TNNT3: variants seen among roughly 807,000 people sequenced by gnomAD.
TNNT3 encodes the protein troponin T3, fast skeletal type, also known as troponin T, fast skeletal muscle.
TNNT3 carries 36 observed loss-of-function variants against 54.2 expected under a neutral mutation model. The ratio of observed to expected loss-of-function variants is 0.66; its 90% confidence interval spans 0.51 to 0.88. TNNT3 has a LOEUF of 0.88. TNNT3 is among the 40% of genes least tolerant of loss of function. TNNT3 has a pLI of 0.00. For synonymous variants in TNNT3, 120 were observed against 109.7 expected (o/e 1.09, Z -0.59); for missense variants, 291 against 331.6 (o/e 0.88, Z 0.95).
rs1039692353 is a variant in TNNT3, at chr11:1,919,766, G to A, written c.-19+4G>A. On this transcript the variant is annotated splice_donor_region_variant and intron_variant, in intron 1 of 15. Transcript: ENST00000278317. ...CCTTCTCACACTCGACCCGCAGGTG[G>A]GTATAGGCAGGAGCGGCCACCCAGG... 2.6e-5 allele frequency: 4 copies of A among 152,252 alleles called. No homozygotes were observed. Among genetic ancestry groups the A allele is most frequent in the African/African-American group, 9.7e-5 (4 of 41,438 alleles). 9.4% of individuals were successfully genotyped at this position (152,252 alleles called of 1,614,324 possible).
At position 1,936,159 on chromosome 11, in the gene TNNT3, G is replaced by A. The variant is rs183500311; in HGVS notation, c.682-804G>A. 4.2e-4 allele frequency: 673 copies of A among 1,605,160 alleles called. 4 individuals carry two copies. In the African/African-American group the frequency reaches 7.8e-3, roughly 19 times the overall value. On this transcript the variant is annotated intron_variant, in intron 14 of 15. Coordinates refer to ENST00000278317, the MANE Select transcript of TNNT3 (RefSeq NM_006757.4). ...CACCAGGCCAAGCTAGCCCACAGCC[G>A]GGCCTCGATGCCCCAGCCGCCCATC...
rs371920693 is a variant in TNNT3 at position 1,935,841 on chromosome 11, C to T, written c.681+922C>T. The stretch of plus-strand genomic sequence containing the variant: ...AGCCGGGCAAATCCGAGCTCCTTCT[C>T]GGGGGTTCTGGGCAGGCCACCTGTT... On this transcript the variant is annotated intron_variant, in intron 14 of 15. Transcript: ENST00000278317. Among the ~76,000 whole-genome samples, 8 of 152,112 alleles carry T rather than the reference C, an allele frequency of 5.3e-5. No individual in the cohort carries two copies. The East Asian group carries it at 7.7e-4, about 15-fold the overall frequency.
At chr11:1,931,052 G>A (rs536858912) in intron 8 of TNNT3, among the ~76,000 whole-genome samples, 263 of 152,156 alleles carry the variant, frequency 1.7e-3, no homozygotes, top group Non-Finnish European at 3.1e-3. Flanking sequence ...ACATCATACC[G>A]TCTCTACGGC....
intron 13 of TNNT3, 38 bp downstream of exon 13, chr11:1,934,693 TG>T (rs1350478116): frequency 6.2e-7 from 1 of 1,604,496 alleles, no homozygotes; most frequent in African/African-American, 1.3e-5. Flanking sequence ...CCCCACGGGG[TG>T]GCCCCTGCAG....
chr11:1,925,106 C>G lies in TNNT3; in HGVS notation c.57C>G (p.Ala19=). ...VEEQYEEEEE[A]QEEEEVQEDT... ...GGCTTCTCCGGCTCTCAGAGGAAGC[C>G]CAGGAGGAAGGTAAGTGGGGTCCAA... Residue 19 remains alanine, a synonymous_variant, in exon 5 of 16, where the codon GCC becomes GCG. Coordinates refer to ENST00000278317, the MANE Select transcript of TNNT3 (RefSeq NM_006757.4). 6.2e-7 allele frequency: 1 copy of G among 1,612,930 alleles called. No individual in the cohort carries two copies. Among genetic ancestry groups the G allele is most frequent in the Middle Eastern group, 1.8e-4 (1 of 5,484 alleles).
rs185121532 is a variant in TNNT3, at chr11:1,923,468, C to T, written c.32-87C>T. The T allele has an allele frequency of 4.9e-4, 717 of 1,453,474 alleles. 1 individual carries two copies. In the African/African-American group the frequency reaches 8.5e-3, roughly 17 times the overall value. 90.0% of individuals were successfully genotyped at this position (1,453,474 alleles called of 1,614,324 possible). A position where few individuals can be genotyped will look rare whatever the true frequency, so the allele number is the denominator to read the frequency against. On this transcript the variant is annotated intron_variant, in intron 3 of 15. Coordinates refer to ENST00000278317, the MANE Select transcript of TNNT3 (RefSeq NM_006757.4). Reference sequence around the variant, plus strand: ...GGGCAGTCGCTGGCCTGTCCAGGGCCGGGACACACTGGCCTCTCATCCTCC... The same window carrying T: ...GGGCAGTCGCTGGCCTGTCCAGGGCTGGGACACACTGGCCTCTCATCCTCC...
chr11:1,929,999 C>T (rs1437620075), intron 8 of TNNT3, among the ~76,000 whole-genome samples, 171 bp downstream of exon 8: 12 of 151,976 alleles, frequency 7.9e-5, no homozygotes, highest in Non-Finnish European at 1.5e-4. Context: ...GTGGTGGAGG[C>T]GGAGGAGAGG....
chr11:1,925,065 G>A (rs773692877), intron 4 of TNNT3, 34 bp from the exon 5 acceptor site: 3 of 1,611,544 alleles, frequency 1.9e-6, no homozygotes, highest in Non-Finnish European at 8.5e-7. Context: ...CCTCAACCCC[G>A]CCTTCTCCTG....
chr11:1,932,395 G>A (rs1853648023), intron 8 of TNNT3, 74 bp from the exon 9 acceptor site: 1 of 1,488,958 alleles, frequency 6.7e-7, no homozygotes, highest in Non-Finnish European at 9.4e-7. Flanking sequence ...GGGGCCAGCG[G>A]GGAAAGCGCC....
chr11:1,925,144 C>G (rs954117145), intron 5 of TNNT3, 28 bp downstream of exon 5: 6 of 1,611,592 alleles, frequency 3.7e-6, no homozygotes, highest in Non-Finnish European at 5.1e-6. Flanking sequence ...CCCCGGCCCC[C>G]ATGCCCACTC....
At chr11:1,929,948 T>C in intron 8 of TNNT3, 120 bp downstream of exon 8, 1 of 1,366,190 alleles carries the variant, frequency 7.3e-7, no homozygotes, top group Non-Finnish European at 1.0e-6. Context: ...GGTGGCCAAG[T>C]GAGTGTGGGG....
At position 1,923,569 on chromosome 11, in the gene TNNT3, G is replaced by C. The variant is rs369789445; in HGVS notation, c.46G>C (p.Glu16Gln). The change falls in exon 4 of 16, where the codon GAA becomes CAA. Residue 16 changes from glutamate (E) to glutamine (Q), a missense_variant. Physicochemically the swap from Glu to Gln is conservative, Grantham distance 29 (BLOSUM62 2). Coordinates refer to ENST00000278317, the MANE Select transcript of TNNT3 (RefSeq NM_006757.4). ...VEQVEEQYEE[E>Q]EEAQEEEEVQ... ...TCCCAATGCAGAGCAGTACGAAGAAGAAGGTAATTCTGGCAACCACCGGAA... is the reference window on the plus strand; with the variant it reads ...TCCCAATGCAGAGCAGTACGAAGAACAAGGTAATTCTGGCAACCACCGGAA... 6.2e-7 allele frequency: 1 copy of C among 1,613,800 alleles called. No homozygotes were observed. Among genetic ancestry groups the C allele is most frequent in the Non-Finnish European group, 8.5e-7 (1 of 1,179,944 alleles).
At chr11:1,928,802 C>T (rs1400406323) in intron 6 of TNNT3, among the ~76,000 whole-genome samples, 1 of 151,080 alleles carries the variant, frequency 6.6e-6, no homozygotes, top group East Asian at 2.0e-4. Flanking sequence ...GAGGACAGAC[C>T]GGGGGGACAG....
At chr11:1,925,839 A>G (rs1589910322) in intron 5 of TNNT3, among the ~76,000 whole-genome samples, 1 of 152,096 alleles carries the variant, frequency 6.6e-6, no homozygotes, top group Non-Finnish European at 1.5e-5. Context: ...AGCAGATGGG[A>G]GGGCTGGGGT....
At chr11:1,927,854 A>C (rs1380467872) in intron 6 of TNNT3, 1 of 152,386 alleles carries the variant, frequency 6.6e-6, no homozygotes, top group Non-Finnish European at 1.5e-5. Flanking sequence ...CGGGCAGCCC[A>C]TTCATCGTCC....
chr11:1,929,769 C>A, intron 7 of TNNT3, 41 bp from the exon 8 acceptor site: 9 of 1,551,608 alleles, frequency 5.8e-6, no homozygotes, highest in Non-Finnish European at 7.8e-6. Flanking sequence ...CCTCTCCCCA[C>A]GCTGGTGTCC....
Position 1,938,480 on chromosome 11 carries a change from G to A in TNNT3, c.765G>A (p.Gly255=), listed in dbSNP as rs1590033412. 1 of 1,613,326 alleles carries A rather than the reference G, an allele frequency of 6.2e-7. No homozygotes were observed. Among genetic ancestry groups the A allele is most frequent in the South Asian group, 1.1e-5 (1 of 91,088 alleles). ...AGTPAKGKVG[G]RWK The stretch of plus-strand genomic sequence containing the variant: ...CCCCAGCCAAGGGCAAAGTCGGCGG[G>A]CGCTGGAAGTAGAGAGGCCAGAAAG... Residue 255 remains glycine, a synonymous_variant, in exon 16 of 16, where the codon GGG becomes GGA. Coordinates refer to ENST00000278317, the MANE Select transcript of TNNT3 (RefSeq NM_006757.4).
At chr11:1,936,380 C>T (rs566236968) in intron 14 of TNNT3, 12 of 1,057,420 alleles carry the variant, frequency 1.1e-5, no homozygotes, top group Non-Finnish European at 1.6e-5. Context: ...AGCCTTCCTC[C>T]TGCCCCCGCT....
intron 8 of TNNT3, 129 bp from the exon 9 acceptor site, chr11:1,932,340 G>T: frequency 1.2e-6 from 1 of 845,908 alleles, no homozygotes; most frequent in Non-Finnish European, 2.1e-6. Flanking sequence ...CACTAGGCGG[G>T]CATGCTTGGC....
Sources: allele counts gnomAD v4.1 joint callset (sites outside exome capture counted in the v4.1 genomes callset), GRCh38; gene constraint gnomAD v4.1.1; transcripts MANE v1.5; gene names NCBI Gene and HGNC (gene_info 2026-07-23, HGNC 2026-07-21).